The following SORCS1 variants were observed in gnomAD, a reference collection of about 807,000 sequenced individuals.
SORCS1 encodes VPS10 domain-containing receptor SorCS1.
SORCS1 carries 60 observed loss-of-function variants against 146.1 expected under a neutral mutation model. The ratio of observed to expected loss-of-function variants is 0.41; its 90% CI spans 0.33 to 0.51. The LOEUF (loss-of-function observed/expected upper bound fraction) is 0.51, where lower values mean the gene tolerates loss of function less well. Ranked by LOEUF, SORCS1 falls within the 20% of genes least tolerant of loss-of-function variation. The probability of loss-of-function intolerance (pLI) is 0.21; values close to 1 mark genes in which losing one functional copy is unlikely to be tolerated. For missense variants in SORCS1, 1,352 were observed against 1,487.6 expected, an observed-to-expected ratio of 0.91 and a Z score of 1.50; for synonymous variants, 637 against 584.0, an observed-to-expected ratio of 1.09 and a Z score of -1.31.
chr10:106,863,671 C>T (rs1950111937), intron 2 of SORCS1, among the ~76,000 whole-genome samples: 1 of 150,338 alleles, frequency 6.7e-6, no homozygotes, highest in African/African-American at 2.5e-5. Context: ...AACCAACTCA[C>T]AGGCAATATC....
chr10:107,014,086 C>G (rs1302483470), intron 1 of SORCS1, among the ~76,000 whole-genome samples: 1 of 151,896 alleles, frequency 6.6e-6, no homozygotes, highest in South Asian at 2.1e-4. Flanking sequence ...AACCCCGTCT[C>G]TACTAAAAAT....
At chr10:107,135,241 T>C (rs377662712) in intron 1 of SORCS1, among the ~76,000 whole-genome samples, 185 of 152,370 alleles carry the variant, frequency 1.2e-3, no homozygotes, top group African/African-American at 4.2e-3. Context: ...TTCACATATG[T>C]GCCTCTCTCC....
At chr10:106,681,555 T>C (rs1451294435) in intron 10 of SORCS1, among the ~76,000 whole-genome samples, 3 of 152,202 alleles carry the variant, frequency 2.0e-5, no homozygotes, top group African/African-American at 7.2e-5. Context: ...CTCAGAGCAA[T>C]GCCAGGAGTA....
chr10:107,005,493 ATT>A (rs1957403410), intron 1 of SORCS1, among the ~76,000 whole-genome samples: 1 of 152,212 alleles, frequency 6.6e-6, no homozygotes, highest in East Asian at 1.9e-4. Context: ...TGAAGATAAA[ATT>A]TTAACTGAAA....
chr10:106,993,364 T>TCA (rs1956853110), intron 1 of SORCS1, among the ~76,000 whole-genome samples: 1 of 152,210 alleles, frequency 6.6e-6, no homozygotes, highest in African/African-American at 2.4e-5. Context: ...CAAACTATAT[T>TCA]CACACTTGAA....
At chr10:106,772,028 C>T (rs1261625338) in intron 4 of SORCS1, among the ~76,000 whole-genome samples, 7 of 152,164 alleles carry the variant, frequency 4.6e-5, no homozygotes, top group African/African-American at 1.7e-4. Flanking sequence ...TATGTGTCGA[C>T]TTGGCTAAGA....
At chr10:106,636,048 C>T (rs1848703584) in intron 18 of SORCS1, among the ~76,000 whole-genome samples, 1 of 152,084 alleles carries the variant, frequency 6.6e-6, no homozygotes, top group Non-Finnish European at 1.5e-5. Context: ...ATTTCATCAG[C>T]CAGTGTAGTA....
At chr10:106,781,337 T>C (rs1255130718) in intron 3 of SORCS1, among the ~76,000 whole-genome samples, 1 of 152,184 alleles carries the variant, frequency 6.6e-6, no homozygotes, top group African/African-American at 2.4e-5. Context: ...ATTTTATATG[T>C]TGTTCATTAT....
At chr10:107,020,840 T>A (rs1179106412) in intron 1 of SORCS1, among the ~76,000 whole-genome samples, 3 of 152,086 alleles carry the variant, frequency 2.0e-5, no homozygotes, top group African/African-American at 7.2e-5. Context: ...AAGCAAAATA[T>A]TTTTTTTCTA....
intron 6 of SORCS1, 75 bp from the exon 7 acceptor site, chr10:106,709,416 C>A: frequency 2.6e-6 from 2 of 760,630 alleles, no homozygotes; most frequent in Non-Finnish European, 4.3e-6. Flanking sequence ...TCAGGGTGGA[C>A]GTTTGATATT....
At position 106,959,522 on chromosome 10, in the gene SORCS1, C is replaced by T. The variant is rs969485535; in HGVS notation, c.559-2942G>A. Among the ~76,000 whole-genome samples, 4 of 152,108 alleles carry T rather than the reference C, an allele frequency of 2.6e-5. No individual in the cohort carries two copies. The South Asian group carries it at 6.2e-4, about 24-fold the overall frequency. Reference sequence around the variant, plus strand: ...TTTCTGTGACAGCAATACTATTTCACAAATCAGTTTCTGTTAAGGGATCCA... The same window carrying T: ...TTTCTGTGACAGCAATACTATTTCATAAATCAGTTTCTGTTAAGGGATCCA... On this transcript the variant is annotated intron_variant, in intron 1 of 25. Coordinates refer to ENST00000263054, the MANE Select transcript of SORCS1 (RefSeq NM_052918.5).
intron 18 of SORCS1, among the ~76,000 whole-genome samples, chr10:106,651,284 T>C (rs774829542): frequency 2.6e-5 from 4 of 152,228 alleles, no homozygotes; most frequent in Non-Finnish European, 5.9e-5. Context: ...AATTGCTTCA[T>C]CTTTCCACCT....
chr10:106,800,825 G>GCCA (rs1421822677), intron 3 of SORCS1, among the ~76,000 whole-genome samples: 1 of 152,148 alleles, frequency 6.6e-6, no homozygotes, highest in East Asian at 1.9e-4. Flanking sequence ...ACAGGCATGA[G>GCCA]CCACCGTACC....
intron 8 of SORCS1, among the ~76,000 whole-genome samples, chr10:106,706,241 T>G (rs1229246725): frequency 2.8e-5 from 3 of 107,848 alleles, no homozygotes; most frequent in African/African-American, 7.1e-5. Context: ...GAAAGTAAGA[T>G]GAAAGAAAGA....
At chr10:106,740,606 A>C (rs1008095936) in intron 5 of SORCS1, among the ~76,000 whole-genome samples, 13 of 152,274 alleles carry the variant, frequency 8.5e-5, no homozygotes, top group African/African-American at 3.1e-4. Flanking sequence ...ATAAAATACA[A>C]GGCATTTAGC....
intron 1 of SORCS1, among the ~76,000 whole-genome samples, chr10:107,079,153 G>GTT (rs1963127889): frequency 2.0e-5 from 3 of 151,858 alleles, no homozygotes. Flanking sequence ...ATGAACCCGG[G>GTT]AGGTGGAGCT....
intron 2 of SORCS1, among the ~76,000 whole-genome samples, chr10:106,831,275 T>G (rs1001289001): frequency 2.6e-5 from 4 of 152,208 alleles, no homozygotes; most frequent in Non-Finnish European, 5.9e-5. Flanking sequence ...CTTTCTTTTC[T>G]TAGGAGATTG....
intron 1 of SORCS1, among the ~76,000 whole-genome samples, chr10:106,981,104 C>T (rs1956230733): frequency 6.6e-6 from 1 of 151,986 alleles, no homozygotes; most frequent in Admixed American, 6.6e-5. Flanking sequence ...GTCTATTTTC[C>T]AGGAGTGTAG....
chr10:106,956,846 T>A (rs1954968252), intron 1 of SORCS1, among the ~76,000 whole-genome samples: 1 of 152,262 alleles, frequency 6.6e-6, no homozygotes, highest in Non-Finnish European at 1.5e-5. Context: ...CTTTCCCTAG[T>A]GGGTTTAGCG....
Sources: allele counts gnomAD v4.1 joint callset (sites outside exome capture counted in the v4.1 genomes callset), GRCh38; gene constraint gnomAD v4.1.1; transcripts MANE v1.5; gene names NCBI Gene and HGNC (gene_info 2026-07-23, HGNC 2026-07-21).